Variants in MYL11 observed in about 807,000 individuals in gnomAD.
MYL11 encodes the protein myosin regulatory light chain 11.
the MYL11 span, among the ~76,000 whole-genome samples, chr16:30,375,464 C>CAAA: frequency 2.7e-5 from 2 of 74,528 alleles, no homozygotes; most frequent in Non-Finnish European, 6.2e-5. Flanking sequence ...GACTCTGTCT[C>CAAA]AAAAAAAAAA....
the MYL11 span, chr16:30,375,927 G>T: frequency 6.2e-7 from 1 of 1,612,440 alleles, no homozygotes; most frequent in South Asian, 1.1e-5. Flanking sequence ...GTGAGGGGAC[G>T]GGGAAACTGG....
At chr16:30,376,652 T>C in the MYL11 span, 1 of 1,614,052 alleles carries the variant, frequency 6.2e-7, no homozygotes, top group Non-Finnish European at 8.5e-7. Flanking sequence ...CACCGGAGCC[T>C]TCAAGGTCTT....
the MYL11 span, among the ~76,000 whole-genome samples, chr16:30,377,086 G>A: frequency 6.6e-6 from 1 of 152,044 alleles, no homozygotes; most frequent in Non-Finnish European, 1.5e-5. Context: ...GGTGGCGGGC[G>A]CCTGTAGTCC....
chr16:30,376,816 C>T, the MYL11 span: 1 of 1,028,674 alleles, frequency 9.7e-7, no homozygotes, highest in Non-Finnish European at 1.4e-6. Flanking sequence ...CCTATAATCC[C>T]AGTGCTTTGG....
chr16:30,376,711 T>C, the MYL11 span: 16 of 1,611,534 alleles, frequency 9.9e-6, no homozygotes, highest in Non-Finnish European at 1.4e-5. Context: ...AAGCATCGGC[T>C]CCCCCACCCT....
the MYL11 span, among the ~76,000 whole-genome samples, chr16:30,375,040 T>C: frequency 1.3e-5 from 2 of 152,144 alleles, no homozygotes; most frequent in Non-Finnish European, 2.9e-5. Flanking sequence ...TCAATGATAA[T>C]CCGCCCAGAC....
the MYL11 span, among the ~76,000 whole-genome samples, chr16:30,371,461 A>C: frequency 2.0e-5 from 3 of 152,196 alleles, no homozygotes; most frequent in South Asian, 2.1e-4. Context: ...CCAACACTCC[A>C]GGCCCAGGTG....
At chr16:30,371,400 G>A in the MYL11 span, among the ~76,000 whole-genome samples, 1 of 152,064 alleles carries the variant, frequency 6.6e-6, no homozygotes. Flanking sequence ...CCCTGACCCA[G>A]TACTCTCATC....
At chr16:30,374,705 G>A in the MYL11 span, 23 of 878,418 alleles carry the variant, frequency 2.6e-5, no homozygotes, top group East Asian at 6.9e-4. Flanking sequence ...GGCTATTTTG[G>A]TATCTGGGGT....
At chr16:30,374,688 T>G in the MYL11 span, 1 of 694,662 alleles carries the variant, frequency 1.4e-6, no homozygotes, top group Non-Finnish European at 2.3e-6. Context: ...GGAGAGGCCC[T>G]GAGTTGGGCT....
chr16:30,374,784 GA>G, the MYL11 span: 1 of 1,584,984 alleles, frequency 6.3e-7, no homozygotes, highest in Non-Finnish European at 8.6e-7. Flanking sequence ...TATAACCCCA[GA>G]GGGACTGCCC....
At chr16:30,372,330 C>T in the MYL11 span, 2 of 152,316 alleles carry the variant, frequency 1.3e-5, no homozygotes, top group Admixed American at 6.5e-5. Context: ...TGGCTGGGGC[C>T]TCAGTGCCCA....
the MYL11 span, chr16:30,375,986 C>A: frequency 6.5e-7 from 1 of 1,539,166 alleles, no homozygotes; most frequent in East Asian, 2.3e-5. Flanking sequence ...GAATGTGCAC[C>A]TGCTTGAAGG....
At chr16:30,373,613 G>T in the MYL11 span, among the ~76,000 whole-genome samples, 1 of 143,732 alleles carries the variant, frequency 7.0e-6, no homozygotes, top group Non-Finnish European at 1.5e-5. Context: ...AAAAAAAAAA[G>T]TAGCTGGGCA....
the MYL11 span, among the ~76,000 whole-genome samples, chr16:30,372,108 A>C: frequency 6.6e-6 from 1 of 151,880 alleles, no homozygotes; most frequent in Non-Finnish European, 1.5e-5. Flanking sequence ...CGTTTGACCC[A>C]AGCTTCCTGA....
chr16:30,376,529 T>C, the MYL11 span: 27 of 1,613,640 alleles, frequency 1.7e-5, no homozygotes, highest in Non-Finnish European at 2.2e-5. Flanking sequence ...AGCTCAAGGG[T>C]GAGTGGAGTG....
the MYL11 span, chr16:30,377,693 C>A: frequency 6.4e-7 from 1 of 1,561,810 alleles, no homozygotes; most frequent in Non-Finnish European, 8.7e-7. Flanking sequence ...ACCGCTTCTC[C>A]CAGGAGGAGG....
the MYL11 span, among the ~76,000 whole-genome samples, chr16:30,372,004 G>A: frequency 6.6e-6 from 1 of 152,118 alleles, no homozygotes; most frequent in Non-Finnish European, 1.5e-5. Flanking sequence ...CTTGGTTTCT[G>A]AGTCCTCTAA....
chr16:30,376,678 G>A, the MYL11 span: 2 of 1,613,902 alleles, frequency 1.2e-6, no homozygotes, highest in East Asian at 2.2e-5. Flanking sequence ...CTGAGGGAAA[G>A]GGCACCATCA....
Sources: gnomAD v4.1 joint callset for allele counts (sites outside exome capture counted in the v4.1 genomes callset) on GRCh38, gnomAD v4.1.1 for gene constraint, MANE v1.5 for transcripts, NCBI Gene and HGNC (gene_info 2026-07-23, HGNC 2026-07-21) for gene names.